The following VPS4B variants were observed in gnomAD, a reference collection of about 807,000 sequenced individuals.
The protein encoded by VPS4B is vacuolar protein sorting-associated protein 4B.
Under a neutral mutation model 56.1 loss-of-function variants are expected in VPS4B, and 23 were observed. The observed-to-expected ratio is 0.41, with a 90% CI of 0.30 to 0.58. The LOEUF (loss-of-function observed/expected upper bound fraction) is 0.58. Ranked by LOEUF, VPS4B falls within the 20% of genes least tolerant of loss-of-function variation. The pLI is 0.29. For missense variants in VPS4B, 372 were observed against 531.9 expected (o/e 0.70, Z 2.96); for synonymous variants, 177 against 186.0 (o/e 0.95, Z 0.39).
chr18:63,415,418 C>A, intron 1 of VPS4B: 1 of 278,490 alleles, frequency 3.6e-6, no homozygotes, highest in South Asian at 4.4e-5. Context: ...ACTCGCCGTT[C>A]CCTCAGGGCA....
intron 1 of VPS4B, among the ~76,000 whole-genome samples, chr18:63,421,515 T>A (rs1916300972): frequency 6.6e-6 from 1 of 152,196 alleles, no homozygotes; most frequent in Non-Finnish European, 1.5e-5. Context: ...CCTAGATCCA[T>A]TCTGGGGATG....
In VPS4B at chr18:63,400,330, C is replaced by A. The variant is rs902379514; in HGVS notation, c.642-134G>T. 6 of 1,138,148 alleles carry A rather than the reference C, an allele frequency of 5.3e-6. No homozygotes were observed. In the Admixed American group the frequency reaches 1.9e-4, roughly 36 times the overall value. 70.5% of individuals were successfully genotyped at this position (1,138,148 alleles called of 1,614,324 possible). A position where few individuals can be genotyped will look rare whatever the true frequency, so the allele number is the denominator to read the frequency against. ...TCAGGTACAGAAAATAAGAATGCTA[C>A]AACTGGATAATTCACTTTATGATTC... On this transcript the variant is annotated intron_variant, in intron 6 of 10. Coordinates refer to ENST00000238497, the MANE Select transcript of VPS4B (RefSeq NM_004869.4).
At chr18:63,419,309 T>TG (rs985249940) in intron 1 of VPS4B, among the ~76,000 whole-genome samples, 1 of 151,666 alleles carries the variant, frequency 6.6e-6, no homozygotes, top group Non-Finnish European at 1.5e-5. Context: ...AGCTGCTACA[T>TG]GGGGGGCTGA....
intron 4 of VPS4B, among the ~76,000 whole-genome samples, chr18:63,406,992 A>C (rs1016611619): frequency 1.3e-5 from 2 of 152,264 alleles, no homozygotes; most frequent in African/African-American, 2.4e-5. Flanking sequence ...ACTGAAAAGC[A>C]GATGAAGAGC....
At chr18:63,401,828 A>C (rs145265648) in intron 5 of VPS4B, among the ~76,000 whole-genome samples, 1 of 152,274 alleles carries the variant, frequency 6.6e-6, no homozygotes, top group East Asian at 1.9e-4. Context: ...CCCTGACTCT[A>C]GTAAAAATAC....
intron 9 of VPS4B, among the ~76,000 whole-genome samples, chr18:63,395,405 T>C (rs1389595553): frequency 6.6e-6 from 1 of 152,232 alleles, no homozygotes; most frequent in Non-Finnish European, 1.5e-5. Context: ...GAGTATTATA[T>C]CACTTCATTA....
chr18:63,414,333 G>C (rs12970958), intron 1 of VPS4B, among the ~76,000 whole-genome samples: 5,409 of 151,714 alleles, frequency 0.036, 101 homozygotes, highest in African/African-American at 0.044. Flanking sequence ...TCATGCCACT[G>C]CACTCTAGCC....
chr18:63,396,585 T>C (rs1915673187), intron 9 of VPS4B: 1 of 162,084 alleles, frequency 6.2e-6, no homozygotes, highest in Non-Finnish European at 1.3e-5. Flanking sequence ...TTAAAGAACT[T>C]GTTTCAGTGA....
chr18:63,410,728 C>A (rs934837654), intron 2 of VPS4B, among the ~76,000 whole-genome samples: 1 of 152,106 alleles, frequency 6.6e-6, no homozygotes, highest in Admixed American at 6.5e-5. Context: ...TATTCTGAAG[C>A]TTTCATATTT....
chr18:63,403,607 TTAAGA>T (rs1728618571), intron 5 of VPS4B, 95 bp downstream of exon 5: 7 of 1,257,030 alleles, frequency 5.6e-6, no homozygotes, highest in Non-Finnish European at 5.4e-6. Context: ...CACAATTTAT[TTAAGA>T]TAATTCATTA....
chr18:63,396,441 T>C (rs1313970054), intron 9 of VPS4B: 1 of 152,346 alleles, frequency 6.6e-6, no homozygotes, highest in African/African-American at 2.4e-5. Context: ...TTTACAGAGA[T>C]GGGGTTTTGC....
chr18:63,393,635 T>C (rs901641511), intron 9 of VPS4B, 86 bp from the exon 10 acceptor site: 18 of 1,266,660 alleles, frequency 1.4e-5, no homozygotes, highest in Non-Finnish European at 1.8e-5. Flanking sequence ...TTAAAATGTA[T>C]AATAGTTTTG....
intron 1 of VPS4B, chr18:63,415,528 C>G: frequency 3.4e-6 from 1 of 290,270 alleles, no homozygotes; most frequent in Non-Finnish European, 7.0e-6. Flanking sequence ...GGTCAGGTTC[C>G]TTTTCAGAGA....
At chr18:63,391,281 C>T (rs922036774) in intron 10 of VPS4B, among the ~76,000 whole-genome samples, 4 of 145,812 alleles carry the variant, frequency 2.7e-5, no homozygotes, top group Non-Finnish European at 4.5e-5. Flanking sequence ...CAGGCTGGAG[C>T]GCAGTGGCGT....
At chr18:63,413,403 G>C (rs1422026914) in intron 1 of VPS4B, among the ~76,000 whole-genome samples, 1 of 152,128 alleles carries the variant, frequency 6.6e-6, no homozygotes, top group Non-Finnish European at 1.5e-5. Flanking sequence ...ACCAGGCGTA[G>C]CGGCATGCGC....
At chr18:63,393,604 CTT>C (rs2144410167) in intron 9 of VPS4B, 55 bp from the exon 10 acceptor site, 3 of 1,413,594 alleles carry the variant, frequency 2.1e-6, no homozygotes, top group Admixed American at 2.6e-5. Flanking sequence ...AACATTAAGA[CTT>C]AATCCATTAC....
intron 6 of VPS4B, 84 bp from the exon 7 acceptor site, chr18:63,400,280 G>T: frequency 7.3e-7 from 1 of 1,370,022 alleles, no homozygotes; most frequent in East Asian, 2.6e-5. Flanking sequence ...CAAGAACTCT[G>T]TAGATTAAAA....
chr18:63,400,177 G>A lies in VPS4B; in HGVS notation c.661C>T (p.Gln221Ter). ...ESEKLVKNLFQLARENKPSII... is the reference protein window; with the variant it reads ...ESEKLVKNLF ...GAGGGCTTGTTCTCTCTGGCAAGTT[G>A]GAATAAATTCTTAACCAGTCTAAAA... The change falls in exon 7 of 11, where the codon CAA becomes TAA. Residue 221 changes from glutamine to a stop codon, truncating the protein, a stop_gained. Transcript: ENST00000238497. LOFTEE classifies it high-confidence loss of function. 2 of 1,604,788 alleles carry A rather than the reference G, an allele frequency of 1.2e-6. No homozygotes were observed. Among genetic ancestry groups the A allele is most frequent in the Non-Finnish European group, 8.5e-7 (1 of 1,176,818 alleles).
chr18:63,405,881 G>A (rs1915906632), intron 4 of VPS4B, among the ~76,000 whole-genome samples: 1 of 152,018 alleles, frequency 6.6e-6, no homozygotes, highest in Non-Finnish European at 1.5e-5. Flanking sequence ...AGCTACTCAG[G>A]AGGCTGAGGC....
Sources: allele counts gnomAD v4.1 joint callset (sites outside exome capture counted in the v4.1 genomes callset), GRCh38; gene constraint gnomAD v4.1.1; transcripts MANE v1.5; gene names NCBI Gene and HGNC (gene_info 2026-07-23, HGNC 2026-07-21).